Variants in SCAND3 observed in about 807,000 individuals in gnomAD.
The protein encoded by SCAND3 is SCAN domain containing 3, also known as SCAN domain-containing protein 3.
At chr6:28,604,549 G>A in the SCAND3 span, among the ~76,000 whole-genome samples, 1 of 151,002 alleles carries the variant, frequency 6.6e-6, no homozygotes, top group African/African-American at 2.4e-5. Flanking sequence ...CCGGGACGCA[G>A]AGGTTGCAGC....
chr6:28,596,946 A>G, the SCAND3 span, among the ~76,000 whole-genome samples: 1 of 152,206 alleles, frequency 6.6e-6, no homozygotes, highest in South Asian at 2.1e-4. Flanking sequence ...ATTTATGTGG[A>G]TGATTTTTAT....
the SCAND3 span, chr6:28,575,907 T>C: frequency 6.2e-7 from 1 of 1,614,048 alleles, no homozygotes; most frequent in Non-Finnish European, 8.5e-7. The surrounding 1 kb of genome is among the most constrained non-coding windows in gnomAD (Gnocchi z 4.2). Flanking sequence ...AGTCAACTGA[T>C]TCCTTTTTCG....
the SCAND3 span, among the ~76,000 whole-genome samples, chr6:28,588,284 C>G: frequency 6.6e-6 from 1 of 152,184 alleles, no homozygotes; most frequent in African/African-American, 2.4e-5. The surrounding 1 kb of genome is among the most constrained non-coding windows in gnomAD (Gnocchi z 4.1). Context: ...CCTAACTATC[C>G]TTTGCAATCA....
At chr6:28,573,783 A>G in the SCAND3 span, 2 of 1,562,526 alleles carry the variant, frequency 1.3e-6, no homozygotes, top group African/African-American at 2.7e-5. Flanking sequence ...CAGAAAAGGC[A>G]TGTCTTTTCT....
chr6:28,603,880 T>C, the SCAND3 span, among the ~76,000 whole-genome samples: 4 of 152,304 alleles, frequency 2.6e-5, no homozygotes, highest in African/African-American at 9.6e-5. Context: ...GACTCGCTGC[T>C]CCTGGATGCC....
the SCAND3 span, among the ~76,000 whole-genome samples, chr6:28,604,667 AT>A: frequency 6.6e-6 from 1 of 151,982 alleles, no homozygotes; most frequent in Admixed American, 6.6e-5. Context: ...TTGAATCTAA[AT>A]TTTTACATAA....
chr6:28,597,181 A>T, the SCAND3 span, among the ~76,000 whole-genome samples: 7 of 152,320 alleles, frequency 4.6e-5, no homozygotes, highest in Non-Finnish European at 8.8e-5. Context: ...CTGAGATTTG[A>T]GAGAATCTTG....
At chr6:28,589,435 A>AATCTCGGTGGG in the SCAND3 span, 1 of 152,144 alleles carries the variant, frequency 6.6e-6, no homozygotes, top group Non-Finnish European at 1.5e-5. Flanking sequence ...TCCGAGTTCG[A>AATCTCGGTGGG]ATCTCGGTGG....
At chr6:28,597,017 T>C in the SCAND3 span, among the ~76,000 whole-genome samples, 1 of 152,228 alleles carries the variant, frequency 6.6e-6, no homozygotes, top group Non-Finnish European at 1.5e-5. Context: ...ATTCAGTTGC[T>C]CCTTCAGAAG....
At chr6:28,572,844 T>C in the SCAND3 span, 330 of 1,613,920 alleles carry the variant, frequency 2.0e-4, no homozygotes, top group Non-Finnish European at 2.6e-4. The surrounding 1 kb of genome is among the most constrained non-coding windows in gnomAD (Gnocchi z 4.1). Flanking sequence ...GTACACTATT[T>C]AGTTCAGCTG....
At chr6:28,584,829 G>C in the SCAND3 span, among the ~76,000 whole-genome samples, 3 of 152,198 alleles carry the variant, frequency 2.0e-5, no homozygotes, top group Non-Finnish European at 4.4e-5. Context: ...GTTTAACACT[G>C]TGGAAAGTAC....
the SCAND3 span, chr6:28,572,044 G>C: frequency 2.5e-6 from 4 of 1,614,030 alleles, no homozygotes; most frequent in African/African-American, 1.3e-5. This position sits in a 1 kb window ranked among gnomAD's most constrained non-coding sequence, Gnocchi z 4.1. Context: ...ACTTAAAGTA[G>C]AGAATCCGGT....
At chr6:28,607,703 T>C in the SCAND3 span, among the ~76,000 whole-genome samples, 3 of 152,072 alleles carry the variant, frequency 2.0e-5, no homozygotes, top group African/African-American at 4.8e-5. Flanking sequence ...TGTGCGGTGA[T>C]AGGTACATGA....
At chr6:28,597,011 A>T in the SCAND3 span, among the ~76,000 whole-genome samples, 2 of 152,186 alleles carry the variant, frequency 1.3e-5, no homozygotes, top group Admixed American at 1.3e-4. Context: ...TTAATTATTC[A>T]GTTGCTCCTT....
the SCAND3 span, among the ~76,000 whole-genome samples, chr6:28,593,004 G>T: frequency 7.3e-6 from 1 of 137,818 alleles, no homozygotes; most frequent in Non-Finnish European, 1.5e-5. Flanking sequence ...CATTGTCTGG[G>T]CAATGATTTT....
At chr6:28,611,923 T>C in the SCAND3 span, among the ~76,000 whole-genome samples, 3 of 152,262 alleles carry the variant, frequency 2.0e-5, no homozygotes, top group Non-Finnish European at 2.9e-5. Context: ...CCTAGAATCG[T>C]TTCCCTTCTC....
At chr6:28,600,947 G>A in the SCAND3 span, among the ~76,000 whole-genome samples, 1 of 145,342 alleles carries the variant, frequency 6.9e-6, no homozygotes, top group Non-Finnish European at 1.5e-5. Context: ...TGTCGTCCAG[G>A]CTGGAGTGCA....
the SCAND3 span, among the ~76,000 whole-genome samples, chr6:28,610,097 G>T: frequency 7.9e-5 from 12 of 152,098 alleles, no homozygotes; most frequent in African/African-American, 2.9e-4. Flanking sequence ...GGTGGCAGGC[G>T]CCTGTAATCC....
At chr6:28,606,005 G>C in the SCAND3 span, among the ~76,000 whole-genome samples, 1 of 152,136 alleles carries the variant, frequency 6.6e-6, no homozygotes, top group Admixed American at 6.6e-5. Flanking sequence ...TCCTATATGA[G>C]AGGAAAACAT....
Sources: allele counts gnomAD v4.1 joint callset (sites outside exome capture counted in the v4.1 genomes callset), GRCh38; gene constraint gnomAD v4.1.1; non-coding constraint Gnocchi (gnomAD v3.1); transcripts MANE v1.5; gene names NCBI Gene and HGNC (gene_info 2026-07-23, HGNC 2026-07-21).